CLIC5: variants seen among roughly 807,000 people sequenced by gnomAD.
CLIC5 encodes chloride intracellular channel protein 5.
Under a neutral mutation model 24.7 loss-of-function variants are expected in CLIC5, and 20 were observed. The ratio of observed to expected loss-of-function variants is 0.81; its 90% confidence interval spans 0.57 to 1.18. CLIC5 has a LOEUF of 1.18. Among genes scored for constraint, CLIC5 ranks in the 50% most tolerant of loss-of-function variants. CLIC5 has a pLI of 0.00. For synonymous variants in CLIC5, 159 were observed against 135.6 expected (o/e 1.17, Z -1.20); for missense variants, 341 against 326.1 (o/e 1.05, Z -0.35).
upstream of CLIC5, among the ~76,000 whole-genome samples, chr6:46,020,789 C>T (rs1460744011): frequency 6.6e-6 from 1 of 151,882 alleles, no homozygotes; most frequent in Non-Finnish European, 1.5e-5. Flanking sequence ...GGGAGTACTA[C>T]AAACAACTCT....
At chr6:45,970,242 G>T (rs1037195800) in intron 1 of CLIC5, among the ~76,000 whole-genome samples, 8 of 152,128 alleles carry the variant, frequency 5.3e-5, no homozygotes, top group African/African-American at 1.9e-4. Flanking sequence ...TGAAGACTGT[G>T]GTTAGTCCTG....
rs186431881 is a variant in CLIC5, at chr6:46,049,297, C to T, written c.540+30406G>A. Among the ~76,000 whole-genome samples the T allele has an allele frequency of 3.7e-4, 56 of 152,238 alleles. No homozygotes were observed. In the East Asian group the frequency reaches 8.3e-3, roughly 23 times the overall value. On this transcript the variant is annotated intron_variant, in intron 1 of 5. Transcript: ENST00000185206. The stretch of plus-strand genomic sequence containing the variant: ...AACCTACCTCCAAGCATAACATCTC[C>T]CAGGAACTTGTGAAAACAGCAAGAA...
the CLIC5 span, among the ~76,000 whole-genome samples, chr6:46,113,730 C>A: frequency 2.6e-5 from 4 of 152,134 alleles, no homozygotes; most frequent in African/African-American, 9.7e-5. Context: ...AATATGACTG[C>A]ATTTGGAGAC....
chr6:46,033,768 T>C (rs1218991691), intron 1 of CLIC5, among the ~76,000 whole-genome samples: 1 of 152,240 alleles, frequency 6.6e-6, no homozygotes, highest in Non-Finnish European at 1.5e-5. Context: ...GGAGAGTCTT[T>C]CCTGCATTGT....
chr6:46,037,158 C>T lies in CLIC5; in HGVS notation c.540+42545G>A, dbSNP rs146051100. ...AGAAGGACATCACTGTCATTCTGGC[C>T]GGTGAATGATTATTCATTTTTCCCC... is the stretch of plus-strand genomic sequence containing the variant. On this transcript the variant is annotated intron_variant, in intron 1 of 5. Coordinates refer to the CLIC5 transcript ENST00000185206. Among the ~76,000 whole-genome samples the T allele has an allele frequency of 5.0e-4, 76 of 152,274 alleles. 2 individuals carry two copies. The East Asian group carries it at 0.014, about 28-fold the overall frequency.
intron 1 of CLIC5, among the ~76,000 whole-genome samples, chr6:46,078,482 T>C (rs1387939296): frequency 1.3e-5 from 2 of 152,148 alleles, no homozygotes; most frequent in Non-Finnish European, 2.9e-5. Context: ...TGCTCCAAAC[T>C]CAGTACACAT....
chr6:46,062,990 AT>A (rs1762331290), intron 1 of CLIC5, among the ~76,000 whole-genome samples: 1 of 152,216 alleles, frequency 6.6e-6, no homozygotes, highest in Admixed American at 6.5e-5. Flanking sequence ...GAAAAATGGT[AT>A]GCTGCCTTTT....
rs188475343 is a variant in CLIC5 at position 45,973,533 on chromosome 6, A to T, written c.64-18289T>A. On this transcript the variant is annotated intron_variant, in intron 1 of 5. Transcript: ENST00000339561. Reference sequence around the variant, plus strand: ...TGTTTGTTTGTTTTTGCCAACCAACATCCCAATATATATAAAATGAATTAA... The same window carrying T: ...TGTTTGTTTGTTTTTGCCAACCAACTTCCCAATATATATAAAATGAATTAA... 5.3e-4 allele frequency among the ~76,000 whole-genome samples: 80 copies of T among 152,338 alleles called. 1 individual carries two copies. Among genetic ancestry groups the T allele is most frequent in the African/African-American group, 1.8e-3 (74 of 41,584 alleles).
intron 4 of CLIC5, among the ~76,000 whole-genome samples, chr6:45,927,544 A>G (rs893509435): frequency 3.9e-5 from 6 of 152,206 alleles, no homozygotes; most frequent in Non-Finnish European, 2.9e-5. Context: ...GACAAAACGT[A>G]TCTTGCCTCC....
At chr6:46,011,475 A>G (rs1581860472) in intron 1 of CLIC5, among the ~76,000 whole-genome samples, 1 of 152,208 alleles carries the variant, frequency 6.6e-6, no homozygotes, top group East Asian at 1.9e-4. Flanking sequence ...CCACAGACAC[A>G]CTGATGTAAT....
intron 1 of CLIC5, among the ~76,000 whole-genome samples, chr6:45,984,557 C>T (rs968699443): frequency 2.2e-4 from 34 of 152,306 alleles, no homozygotes; most frequent in African/African-American, 7.0e-4. Context: ...TAATGTAGTA[C>T]GTGTGCTTCA....
chr6:46,025,384 G>A (rs1197743615), intron 1 of CLIC5, among the ~76,000 whole-genome samples: 3 of 152,190 alleles, frequency 2.0e-5, no homozygotes, highest in South Asian at 2.1e-4. Flanking sequence ...TTCAGTATGC[G>A]GGAGCTACTA....
chr6:45,950,409 A>C (rs1201220377), intron 2 of CLIC5, among the ~76,000 whole-genome samples: 1 of 151,816 alleles, frequency 6.6e-6, no homozygotes, highest in Non-Finnish European at 1.5e-5. Flanking sequence ...AAAAAAAAAA[A>C]ACAAACAAAA....
chr6:45,930,638 C>T (rs1472359835), intron 4 of CLIC5, among the ~76,000 whole-genome samples: 2 of 152,192 alleles, frequency 1.3e-5, no homozygotes, highest in African/African-American at 2.4e-5. Flanking sequence ...CATGCTTCCT[C>T]ATTACAGGGA....
intron 1 of CLIC5, among the ~76,000 whole-genome samples, chr6:46,058,266 A>G (rs1169114400): frequency 6.6e-6 from 1 of 152,234 alleles, no homozygotes; most frequent in Non-Finnish European, 1.5e-5. Flanking sequence ...TAATGATAAG[A>G]AGATTTAGAG....
intron 1 of CLIC5, among the ~76,000 whole-genome samples, chr6:46,048,444 C>T (rs1360380969): frequency 6.6e-6 from 1 of 152,182 alleles, no homozygotes; most frequent in African/African-American, 2.4e-5. Context: ...AGGCTTGACT[C>T]TTTTCCATCC....
At chr6:45,998,188 A>G (rs1449141211) in intron 1 of CLIC5, among the ~76,000 whole-genome samples, 1 of 152,080 alleles carries the variant, frequency 6.6e-6, no homozygotes, top group Non-Finnish European at 1.5e-5. Flanking sequence ...TAATCATTAT[A>G]TTTTTCACAC....
chr6:45,908,248 T>C (rs1241251390), intron 5 of CLIC5, among the ~76,000 whole-genome samples: 9 of 152,180 alleles, frequency 5.9e-5, no homozygotes, highest in Non-Finnish European at 1.2e-4. Context: ...ATTCTTTGTA[T>C]GAATTTTTGG....
chr6:46,109,139 G>A, the CLIC5 span, among the ~76,000 whole-genome samples: 2 of 151,936 alleles, frequency 1.3e-5, no homozygotes, highest in Non-Finnish European at 1.5e-5. Flanking sequence ...CTTATTAATT[G>A]TGTCTTTATA....
Sources: gnomAD v4.1 joint callset for allele counts (sites outside exome capture counted in the v4.1 genomes callset) on GRCh38, gnomAD v4.1.1 for gene constraint, MANE v1.5 for transcripts, NCBI Gene and HGNC (gene_info 2026-07-23, HGNC 2026-07-21) for gene names.